TRAPPC6B: variants seen among roughly 807,000 people sequenced by gnomAD.
TRAPPC6B encodes trafficking protein particle complex subunit 6B.
In TRAPPC6B, 27 loss-of-function variants were observed where a neutral mutation model predicts 24.7. That is an observed-to-expected ratio of 1.09 (90% confidence interval 0.81 to 1.51). TRAPPC6B has a LOEUF of 1.51. Ranked by LOEUF, TRAPPC6B falls within the 40% of genes most tolerant of loss-of-function variation. The pLI, the probability that TRAPPC6B is intolerant of heterozygous loss-of-function variation, is 0.00. For synonymous variants in TRAPPC6B, 80 were observed against 66.6 expected, an observed-to-expected ratio of 1.20 and a Z score of -0.98; for missense variants, 212 against 190.8, an observed-to-expected ratio of 1.11 and a Z score of -0.66.
rs761271267 is a variant in TRAPPC6B, at chr14:39,151,735, A to C, written c.445+11T>G. 4 of 1,561,414 alleles carry C rather than the reference A, an allele frequency of 2.6e-6. No individual in the cohort carries two copies. The highest frequency in any genetic ancestry group is 4.3e-5 in the Admixed American group (2 of 47,040). ...ACTAAAACATTTGTAAGAAAGGCGAATTCAACTTACAAGCAGGCATTGAAG... is the reference window on the plus strand; with the variant it reads ...ACTAAAACATTTGTAAGAAAGGCGACTTCAACTTACAAGCAGGCATTGAAG... On this transcript the variant is annotated intron_variant, in intron 5 of 5. Transcript: ENST00000330149.
intron 2 of TRAPPC6B, 25 bp from the exon 3 acceptor site, chr14:39,158,427 AC>A (rs1566548312): frequency 7.5e-7 from 1 of 1,336,198 alleles, no homozygotes; most frequent in East Asian, 2.3e-5. Flanking sequence ...TAGAAGTAAT[AC>A]AGTATTTCTC....
intron 3 of TRAPPC6B, chr14:39,157,456 C>T: frequency 2.9e-6 from 1 of 346,106 alleles, no homozygotes; most frequent in Non-Finnish European, 5.5e-6. Context: ...CACTAAGAGA[C>T]CACTTGTCCT....
chr14:39,170,092 C>A lies in TRAPPC6B; in HGVS notation c.4G>T (p.Ala2Ser). Residue 2 changes from alanine to serine, a missense_variant, in exon 1 of 6, where the codon GCG becomes TCG. Ala to Ser is a moderately conservative substitution (Grantham distance 99). Coordinates refer to ENST00000330149, the MANE Select transcript of TRAPPC6B (RefSeq NM_001079537.2). MADEALFLLLHN... is the reference protein window; with the variant it reads MSDEALFLLLHN... ...AGAAGCAAAAACAACGCCTCATCCG[C>A]CATTTCCTGCTAATTCTTCCAAGCT... is the stretch of plus-strand genomic sequence containing the variant. 9.3e-6 allele frequency: 15 copies of A among 1,614,156 alleles called. No individual in the cohort carries two copies. Among genetic ancestry groups the A allele is most frequent in the Non-Finnish European group, 1.3e-5 (15 of 1,179,990 alleles).
In TRAPPC6B at chr14:39,151,813, G is replaced by A; in HGVS notation, c.378C>T (p.Ile126=). The A allele has an allele frequency of 6.2e-7, 1 of 1,608,250 alleles. No homozygotes were observed. Among genetic ancestry groups the A allele is most frequent in the Non-Finnish European group, 8.5e-7 (1 of 1,178,204 alleles). ...SKYLAFTCGL[I]RGGLSNLGIK... is the part of the protein sequence containing the mutation. ...TTCCCAAGTTTGATAAGCCACCTCT[G>A]ATTAAGCCACACGTAAATGCTAAAT... The change falls in exon 5 of 6, where the codon ATC becomes ATT. Residue 126 remains isoleucine (I), a synonymous_variant. Transcript: ENST00000330149.
chr14:39,161,623 G>A (rs759058275), intron 1 of TRAPPC6B, among the ~76,000 whole-genome samples: 70 of 152,228 alleles, frequency 4.6e-4, no homozygotes, highest in Non-Finnish European at 9.1e-4. Context: ...CGCTCACTCC[G>A]TGTCTGGCGA....
chr14:39,162,317 C>A (rs953907625), intron 1 of TRAPPC6B, among the ~76,000 whole-genome samples: 39 of 148,692 alleles, frequency 2.6e-4, no homozygotes, highest in African/African-American at 9.4e-4. Flanking sequence ...CATCACCATG[C>A]CTGGCTATTT....
At chr14:39,156,215 T>C (rs1172778187) in intron 3 of TRAPPC6B, among the ~76,000 whole-genome samples, 2 of 152,194 alleles carry the variant, frequency 1.3e-5, no homozygotes, top group Admixed American at 6.5e-5. Flanking sequence ...CCAGGCACAG[T>C]GGCTCACACC....
intron 1 of TRAPPC6B, among the ~76,000 whole-genome samples, chr14:39,168,544 T>G (rs901107794): frequency 6.6e-5 from 10 of 152,028 alleles, no homozygotes; most frequent in African/African-American, 2.4e-4. Context: ...TACCTTTTTT[T>G]GGATGTCATA....
intron 3 of TRAPPC6B, chr14:39,157,244 G>T: frequency 2.8e-6 from 1 of 360,274 alleles, no homozygotes; most frequent in Admixed American, 3.2e-5. Flanking sequence ...CGCTATATCA[G>T]GTTGCAGTGG....
chr14:39,150,238 G>T lies in TRAPPC6B; in HGVS notation c.*112C>A. The T allele has an allele frequency of 1.1e-6, 1 of 889,266 alleles. No individual in the cohort carries two copies. Among genetic ancestry groups the T allele is most frequent in the Non-Finnish European group, 1.7e-6 (1 of 581,918 alleles). 55.1% of individuals were successfully genotyped at this position (889,266 alleles called of 1,614,324 possible). A position where few individuals can be genotyped will look rare whatever the true frequency, so the allele number is the denominator to read the frequency against. On this transcript the variant is annotated 3_prime_UTR_variant, in exon 6 of 6. Transcript: ENST00000330149. ...CTGTGTTAAATTGATAAAAATACAT[G>T]CTTACTCCTGTACAAACATCGAACA...
intron 5 of TRAPPC6B, among the ~76,000 whole-genome samples, chr14:39,151,045 T>C (rs2052905673): frequency 6.6e-6 from 1 of 152,030 alleles, no homozygotes; most frequent in Non-Finnish European, 1.5e-5. Context: ...TAAAAGAATA[T>C]TTGGTTTTAC....
chr14:39,151,696 C>G, intron 5 of TRAPPC6B, 50 bp downstream of exon 5: 1 of 1,344,904 alleles, frequency 7.4e-7, no homozygotes, highest in Non-Finnish European at 1.0e-6. Flanking sequence ...AAAAAACAGA[C>G]CTGAAAACAA....
At chr14:39,158,433 T>C (rs373184937) in intron 2 of TRAPPC6B, 31 bp from the exon 3 acceptor site, 106 of 1,288,442 alleles carry the variant, frequency 8.2e-5, no homozygotes, top group Non-Finnish European at 1.2e-4. Context: ...TAATACAGTA[T>C]TTCTCCTCCA....
chr14:39,164,164 T>C (rs928575524), intron 1 of TRAPPC6B, among the ~76,000 whole-genome samples: 1 of 152,186 alleles, frequency 6.6e-6, no homozygotes, highest in Non-Finnish European at 1.5e-5. Flanking sequence ...ATATTTCTGG[T>C]AGTGTAACTT....
rs767250480 is a variant in TRAPPC6B at position 39,154,250 on chromosome 14, C to A, written c.312G>T (p.Gln104His). 1 of 1,613,402 alleles carries A rather than the reference C, an allele frequency of 6.2e-7. No individual in the cohort carries two copies. The highest frequency in any genetic ancestry group is 8.5e-7 in the Non-Finnish European group (1 of 1,179,618). The stretch of plus-strand genomic sequence containing the variant: ...CTAAATACTGTTTTCCTGCAGACAT[C>A]TGAGTAAGCAGGCGAAATTTGTTGT... ...LQDNKFRLLTQMSAGKQYLEH... is the reference protein window; with the variant it reads ...LQDNKFRLLTHMSAGKQYLEH... The change falls in exon 4 of 6, where the codon CAG becomes CAT. Residue 104 changes from glutamine (Q) to histidine (H), a missense_variant. Gln to His is a conservative substitution (Grantham distance 24, BLOSUM62 0). Transcript: ENST00000330149.
intron 1 of TRAPPC6B, 29 bp downstream of exon 1, chr14:39,169,986 G>C (rs962988638): frequency 3.1e-6 from 5 of 1,610,096 alleles, no homozygotes; most frequent in Non-Finnish European, 3.4e-6. Flanking sequence ...CACCGCAAAA[G>C]GACCTCAAGG....
intron 1 of TRAPPC6B, among the ~76,000 whole-genome samples, chr14:39,162,515 C>T (rs1305308278): frequency 6.6e-6 from 1 of 152,148 alleles, no homozygotes; most frequent in Non-Finnish European, 1.5e-5. Context: ...AAATCAAATC[C>T]TCTTCCTAAT....
intron 1 of TRAPPC6B, among the ~76,000 whole-genome samples, chr14:39,165,762 A>G (rs1236448347): frequency 1.3e-5 from 2 of 152,058 alleles, no homozygotes; most frequent in Non-Finnish European, 1.5e-5. Flanking sequence ...CCAACACTGC[A>G]TTTCAGCCTG....
In TRAPPC6B at chr14:39,150,121, C is replaced by G. The variant is rs944060977; in HGVS notation, c.*229G>C. 2 of 439,736 alleles carry G rather than the reference C, an allele frequency of 4.5e-6. No individual in the cohort carries two copies. Among genetic ancestry groups the G allele is most frequent in the Non-Finnish European group, 7.9e-6 (2 of 252,174 alleles). The allele number at this position is 439,736 out of a possible 1,614,324, so 27.2% of individuals were successfully genotyped here. On this transcript the variant is annotated 3_prime_UTR_variant, in exon 6 of 6. Coordinates refer to ENST00000330149, the MANE Select transcript of TRAPPC6B (RefSeq NM_001079537.2). ...AAGGTTTAAAATAAGGGCCCTGCAT[C>G]TTGGTGTCTGGTTATTTGAAATCCG...
Sources: allele counts gnomAD v4.1 joint callset (sites outside exome capture counted in the v4.1 genomes callset), GRCh38; gene constraint gnomAD v4.1.1; transcripts MANE v1.5; gene names NCBI Gene and HGNC (gene_info 2026-07-23, HGNC 2026-07-21).